Variants in CGNL1 observed in about 807,000 individuals in gnomAD.
The protein encoded by CGNL1 is cingulin like 1, also known as cingulin-like protein 1.
A neutral mutation model predicts 141.2 loss-of-function variants in CGNL1; 132 were observed. That is an observed-to-expected ratio of 0.93 (90% CI 0.81 to 1.08). The LOEUF is 1.08. Among genes scored for constraint, CGNL1 ranks in the 50% least tolerant of loss-of-function variants. The probability of loss-of-function intolerance (pLI) is 0.00; values close to 1 mark genes in which losing one functional copy is unlikely to be tolerated. For synonymous variants in CGNL1, 690 were observed against 622.1 expected (o/e 1.11, Z -1.63); for missense variants, 1,870 against 1,588.6 (o/e 1.18, Z -3.01).
chr15:57,546,150 T>C lies in CGNL1; in HGVS notation c.3684T>C (p.Ser1228=). ...AEEEIDRLES[S]KKKLQRELEE... ...AGGAAATCGACAGACTGGAAAGTTC[T>C]AAAAAGAAGCTGCAGAGGGAGCTGG... Residue 1228 remains serine, a synonymous_variant, in exon 18 of 19, where the codon TCT becomes TCC. Transcript: ENST00000281282. The C allele has an allele frequency of 6.2e-7, 1 of 1,613,754 alleles. No individual in the cohort carries two copies. Among genetic ancestry groups the C allele is most frequent in the African/African-American group, 1.3e-5 (1 of 75,044 alleles).
At chr15:57,382,146 C>T (rs1308561714) in intron 1 of CGNL1, among the ~76,000 whole-genome samples, 1 of 152,176 alleles carries the variant, frequency 6.6e-6, no homozygotes, top group African/African-American at 2.4e-5. Flanking sequence ...AAAAACAAAA[C>T]TTTGCTGCAT....
chr15:57,456,199 G>C (rs1253619062), intron 7 of CGNL1, among the ~76,000 whole-genome samples: 5 of 152,170 alleles, frequency 3.3e-5, no homozygotes, highest in African/African-American at 9.7e-5. Context: ...TTTGATAACA[G>C]AGTATAGTTG....
intron 13 of CGNL1, among the ~76,000 whole-genome samples, chr15:57,529,756 A>C (rs148845174): frequency 5.8e-4 from 89 of 152,358 alleles, no homozygotes; most frequent in African/African-American, 2.1e-3. Context: ...GAGATGGCTT[A>C]AATTCAAAAT....
chr15:57,465,803 G>C (rs192423417), intron 8 of CGNL1, among the ~76,000 whole-genome samples: 1 of 152,116 alleles, frequency 6.6e-6, no homozygotes, highest in South Asian at 2.1e-4. Context: ...CTATTTTATC[G>C]TTGTAAAATA....
chr15:57,516,204 A>G (rs536296916), intron 8 of CGNL1, among the ~76,000 whole-genome samples: 4 of 150,894 alleles, frequency 2.7e-5, no homozygotes, highest in South Asian at 2.1e-4. Flanking sequence ...GACCCTGCCC[A>G]TGCAAATGGG....
chr15:57,466,954 A>G (rs1221496703), intron 8 of CGNL1, among the ~76,000 whole-genome samples: 1 of 152,184 alleles, frequency 6.6e-6, no homozygotes, highest in Non-Finnish European at 1.5e-5. Context: ...AGTGTCCAAC[A>G]TACAGCAGTT....
chr15:57,453,742 AC>A lies in CGNL1; in HGVS notation c.2116del (p.Gln706SerfsTer23). Reference protein sequence around the residue: ...QHQTEIRDLQDQLSEMHDELD... With the variant: ...QHQTEIRDLQXQLSEMHDELD... ...CAGACTGAGATCAGGGATCTCCAGG[AC>A]CAGCTCTCAGAAATGCACGATGAAC... On this transcript the variant is annotated frameshift_variant, in exon 7 of 19. Transcript: ENST00000281282. LOFTEE classifies it high-confidence loss of function. 1 of 1,613,986 alleles carries A rather than the reference AC, an allele frequency of 6.2e-7. No individual in the cohort carries two copies. The highest frequency in any genetic ancestry group is 1.7e-4 in the Middle Eastern group (1 of 6,054).
At chr15:57,542,674 G>GAAGCC (rs1253014253) in intron 14 of CGNL1, among the ~76,000 whole-genome samples, 2 of 152,200 alleles carry the variant, frequency 1.3e-5, no homozygotes, top group Non-Finnish European at 2.9e-5. Context: ...ATGGCTCTGG[G>GAAGCC]AAGCCGCTTC....
intron 15 of CGNL1, among the ~76,000 whole-genome samples, 161 bp downstream of exon 15, chr15:57,543,940 A>G (rs1181679019): frequency 1.3e-5 from 2 of 152,102 alleles, no homozygotes; most frequent in Non-Finnish European, 2.9e-5. Context: ...TCCCGGTCAT[A>G]TGAAATCTGC....
intron 4 of CGNL1, among the ~76,000 whole-genome samples, chr15:57,447,671 C>A (rs1259276497): frequency 1.3e-5 from 2 of 151,526 alleles, no homozygotes; most frequent in East Asian, 3.9e-4. Context: ...TTGAAAAATT[C>A]TTGGCTATTA....
chr15:57,543,804 GC>G lies in CGNL1; in HGVS notation c.3375+32del, dbSNP rs568577325. The G allele has an allele frequency of 4.8e-4, 760 of 1,579,300 alleles. 1 individual carries two copies. In the African/African-American group the frequency reaches 7.9e-3, roughly 16 times the overall value. On this transcript the variant is annotated intron_variant, in intron 15 of 18. Coordinates refer to ENST00000281282, the MANE Select transcript of CGNL1 (RefSeq NM_032866.5). Reference sequence around the variant, plus strand: ...GGTGAGGGCAGCCAGCCTGTGAGCTGCCCCCCCGTCCATCCGCTAACCCTCC... The same window carrying G: ...GGTGAGGGCAGCCAGCCTGTGAGCTGCCCCCCGTCCATCCGCTAACCCTCC...
intron 1 of CGNL1, among the ~76,000 whole-genome samples, chr15:57,410,955 A>G (rs928875352): frequency 2.6e-5 from 4 of 152,256 alleles, no homozygotes; most frequent in Admixed American, 2.0e-4. Context: ...GTTTTCATAC[A>G]AGAATCTAAA....
chr15:57,439,504 C>A lies in CGNL1; in HGVS notation c.1505C>A (p.Ala502Asp), dbSNP rs2063157654. Reference protein sequence around the residue: ...KKEEEVKTATATLMLQNRATA... With the variant: ...KKEEEVKTATDTLMLQNRATA... ...GAGGAGGAGGTGAAAACAGCCACCG[C>A]TACGCTGATGTTACAGAACCGGGCA... Residue 502 changes from alanine to aspartate, a missense_variant, in exon 2 of 19, where the codon GCT becomes GAT. Transcript: ENST00000281282. The A allele has an allele frequency of 1.2e-6, 2 of 1,614,104 alleles. No individual in the cohort carries two copies. Among genetic ancestry groups the A allele is most frequent in the Admixed American group, 3.3e-5 (2 of 60,014 alleles).
intron 14 of CGNL1, among the ~76,000 whole-genome samples, chr15:57,533,131 A>G (rs1249279585): frequency 6.6e-6 from 1 of 152,086 alleles, no homozygotes; most frequent in Non-Finnish European, 1.5e-5. Context: ...CAAGTGGGAT[A>G]CTCATGCTCC....
Position 57,387,009 on chromosome 15 carries a change from C to A in CGNL1, c.-16+10442C>A, listed in dbSNP as rs144734152. Among the ~76,000 whole-genome samples, 110 of 152,162 alleles carry A rather than the reference C, an allele frequency of 7.2e-4. 2 individuals are homozygous for A. The highest frequency in any genetic ancestry group is 2.5e-3 in the African/African-American group (102 of 41,520). ...AAGTACACTCACAATGTTGTGCAACCATCACCACTATCTAATTCCAAAACT... is the reference window on the plus strand; with the variant it reads ...AAGTACACTCACAATGTTGTGCAACAATCACCACTATCTAATTCCAAAACT... On this transcript the variant is annotated intron_variant, in intron 1 of 18. Coordinates refer to ENST00000281282, the MANE Select transcript of CGNL1 (RefSeq NM_032866.5).
At chr15:57,531,264 G>T (rs1368415404) in intron 13 of CGNL1, among the ~76,000 whole-genome samples, 1 of 152,194 alleles carries the variant, frequency 6.6e-6, no homozygotes, top group East Asian at 1.9e-4. Flanking sequence ...ATTGACTCCT[G>T]CAAGGCTCTT....
Position 57,516,926 on chromosome 15 carries a change from G to C in CGNL1, c.2550G>C (p.Arg850Ser). ...ELERRVAQLQ[R>S]QIEDLKGDEA... ...AGCGGAGAGTTGCTCAGCTTCAAAG[G>C]CAGATCGAGGACCTGAAAGGCGATG... The change falls in exon 9 of 19, where the codon AGG becomes AGC. Residue 850 changes from arginine to serine, a missense_variant. Transcript: ENST00000281282. 6.2e-7 allele frequency: 1 copy of C among 1,613,634 alleles called. No homozygotes were observed. Among genetic ancestry groups the C allele is most frequent in the South Asian group, 1.1e-5 (1 of 91,072 alleles).
intron 17 of CGNL1, 109 bp from the exon 18 acceptor site, chr15:57,545,967 A>G: frequency 7.9e-7 from 1 of 1,262,146 alleles, no homozygotes; most frequent in Non-Finnish European, 1.1e-6. Flanking sequence ...TGGCTGCCCC[A>G]TTGCCCATGT....
At chr15:57,406,659 C>T (rs915330018) in intron 1 of CGNL1, among the ~76,000 whole-genome samples, 4 of 152,076 alleles carry the variant, frequency 2.6e-5, no homozygotes, top group East Asian at 1.9e-4. Flanking sequence ...ACCCGACACC[C>T]GTCTGGCCCA....
Sources: allele counts gnomAD v4.1 joint callset (sites outside exome capture counted in the v4.1 genomes callset), GRCh38; gene constraint gnomAD v4.1.1; transcripts MANE v1.5; gene names NCBI Gene and HGNC (gene_info 2026-07-23, HGNC 2026-07-21).